Variants in ADIPOR1 observed in about 807,000 individuals in gnomAD.
ADIPOR1 encodes adiponectin receptor protein 1.
In ADIPOR1, 15 loss-of-function variants were observed where a neutral mutation model predicts 37.5. That is an observed-to-expected ratio of 0.40 (90% confidence interval 0.27 to 0.62). The LOEUF is 0.62. Ranked by LOEUF, ADIPOR1 falls within the 20% of genes least tolerant of loss-of-function variation. ADIPOR1 has a pLI of 0.42. For synonymous variants in ADIPOR1, 173 were observed against 173.2 expected, an observed-to-expected ratio of 1.00 and a Z score of 0.01; for missense variants, 286 against 478.0, an observed-to-expected ratio of 0.60 and a Z score of 3.75.
intron 2 of ADIPOR1, among the ~76,000 whole-genome samples, chr1:202,949,312 G>C (rs941684526): frequency 2.6e-5 from 4 of 151,518 alleles, no homozygotes; most frequent in Admixed American, 6.6e-5. Flanking sequence ...CGGGCGCGGT[G>C]GCTCACGCCT....
chr1:202,947,689 A>G (rs1286702245), intron 3 of ADIPOR1, among the ~76,000 whole-genome samples: 1 of 152,116 alleles, frequency 6.6e-6, no homozygotes, highest in Non-Finnish European at 1.5e-5. Context: ...TCCCCCAATT[A>G]GATTCTAAGT....
Position 202,943,801 on chromosome 1 carries a change from C to T in ADIPOR1, c.762G>A (p.Gln254=). Residue 254 remains glutamine, a synonymous_variant, in exon 6 of 8, where the codon CAG becomes CAA. Coordinates refer to ENST00000340990, the MANE Select transcript of ADIPOR1 (RefSeq NM_015999.6). ...GCTTAGGAGTGGCAAACCGGTCCCA[C>T]TGCGCCACAATGATGGCAGAAATGC... ...VLGISAIIVA[Q]WDRFATPKHR... 1.2e-6 allele frequency: 2 copies of T among 1,613,986 alleles called. No individual in the cohort carries two copies. The highest frequency in any genetic ancestry group is 2.2e-5 in the East Asian group (1 of 44,878).
chr1:202,945,422 A>C (rs1309711762), intron 4 of ADIPOR1, among the ~76,000 whole-genome samples: 3 of 152,234 alleles, frequency 2.0e-5, no homozygotes, highest in Admixed American at 1.3e-4. Flanking sequence ...TGTAAATTAT[A>C]AACTAGTATA....
At chr1:202,948,092 G>C (rs569813451) in intron 3 of ADIPOR1, among the ~76,000 whole-genome samples, 1 of 152,096 alleles carries the variant, frequency 6.6e-6, no homozygotes, top group African/African-American at 2.4e-5. Flanking sequence ...AAAAGAATCC[G>C]TTTTAAGAAT....
At chr1:202,943,294 T>C (rs80207299) in intron 6 of ADIPOR1, among the ~76,000 whole-genome samples, 1,576 of 152,346 alleles carry the variant, frequency 0.01, 12 homozygotes, top group Non-Finnish European at 0.016. Flanking sequence ...CCAGATGAGA[T>C]GAGACAACAC....
chr1:202,947,199 GT>G (rs1654366081), intron 3 of ADIPOR1, among the ~76,000 whole-genome samples: 1 of 152,004 alleles, frequency 6.6e-6, no homozygotes, highest in South Asian at 2.1e-4. Flanking sequence ...GAAGTTTTAG[GT>G]AAGTGTTTCT....
intron 1 of ADIPOR1, among the ~76,000 whole-genome samples, chr1:202,953,584 G>A (rs1654664688): frequency 7.0e-6 from 1 of 143,660 alleles, no homozygotes; most frequent in South Asian, 2.1e-4. Flanking sequence ...TGTGCTTGTG[G>A]TGGCTTCTCT....
intron 2 of ADIPOR1, among the ~76,000 whole-genome samples, chr1:202,950,151 G>A (rs1571566768): frequency 6.6e-6 from 1 of 151,936 alleles, no homozygotes; most frequent in Admixed American, 6.5e-5. Context: ...TTAGTAGAGA[G>A]GGGGCTTCAC....
intron 3 of ADIPOR1, among the ~76,000 whole-genome samples, chr1:202,947,261 C>T (rs1348947822): frequency 6.6e-6 from 1 of 152,132 alleles, no homozygotes; most frequent in Non-Finnish European, 1.5e-5. Context: ...GTGGTTCACG[C>T]CTGTAATCCC....
intron 1 of ADIPOR1, among the ~76,000 whole-genome samples, chr1:202,956,555 C>A (rs1654791270): frequency 6.6e-6 from 1 of 151,946 alleles, no homozygotes; most frequent in South Asian, 2.1e-4. Flanking sequence ...AGGCTTAGTG[C>A]CATTATGTGC....
At chr1:202,955,035 C>T (rs1284413272) in intron 1 of ADIPOR1, among the ~76,000 whole-genome samples, 1 of 152,146 alleles carries the variant, frequency 6.6e-6, no homozygotes, top group Non-Finnish European at 1.5e-5. Context: ...CCATTTTTCC[C>T]CTATCTACTG....
chr1:202,941,559 G>T lies in ADIPOR1; in HGVS notation c.*14C>A. 6.3e-7 allele frequency: 1 copy of T among 1,598,444 alleles called. No individual in the cohort carries two copies. Among genetic ancestry groups the T allele is most frequent in the Non-Finnish European group, 8.5e-7 (1 of 1,175,460 alleles). ...ACTTGGGAAGTTCCTCCTCCACCCCGCAGGTGGGAAGGCTCAGAGAAGGGT... is the reference window on the plus strand; with the variant it reads ...ACTTGGGAAGTTCCTCCTCCACCCCTCAGGTGGGAAGGCTCAGAGAAGGGT... On this transcript the variant is annotated 3_prime_UTR_variant, in exon 8 of 8. Coordinates refer to ENST00000340990, the MANE Select transcript of ADIPOR1 (RefSeq NM_015999.6).
chr1:202,943,295 G>A (rs776174100), intron 6 of ADIPOR1, among the ~76,000 whole-genome samples: 1 of 152,242 alleles, frequency 6.6e-6, no homozygotes, highest in Non-Finnish European at 1.5e-5. Context: ...CAGATGAGAT[G>A]AGACAACACA....
intron 4 of ADIPOR1, 112 bp downstream of exon 4, chr1:202,946,327 T>C (rs1188313889): frequency 1.1e-5 from 15 of 1,320,958 alleles, no homozygotes; most frequent in Non-Finnish European, 1.6e-5. Flanking sequence ...CATTAGTAGT[T>C]TAAAGGTAGA....
chr1:202,946,545 G>C lies in ADIPOR1; in HGVS notation c.324C>G (p.Asp108Glu). 1 of 1,614,092 alleles carries C rather than the reference G, an allele frequency of 6.2e-7. No individual in the cohort carries two copies. The highest frequency in any genetic ancestry group is 2.2e-5 in the East Asian group (1 of 44,874). The change falls in exon 4 of 8, where the codon GAC (aspartate) becomes GAG (glutamate). Residue 108 changes from aspartate to glutamate, a missense_variant. Transcript: ENST00000340990. Reference sequence around the variant, plus strand: ...GAGGTCTATGACCATGTAGCAGATAGTCGTTGTCCTTTAGCCAGTCAGGGA... The same window carrying C: ...GAGGTCTATGACCATGTAGCAGATACTCGTTGTCCTTTAGCCAGTCAGGGA... ...DVLPDWLKDN[D>E]YLLHGHRPPM... is the part of the protein sequence containing the mutation.
chr1:202,950,259 G>A (rs534426377), intron 2 of ADIPOR1, among the ~76,000 whole-genome samples: 72 of 151,600 alleles, frequency 4.7e-4, no homozygotes, highest in Non-Finnish European at 5.3e-4. Flanking sequence ...CACCGTGCCC[G>A]GCCCTGATAG....
At chr1:202,944,159 CCATT>C in intron 5 of ADIPOR1, 1 of 493,336 alleles carries the variant, frequency 2.0e-6, no homozygotes, top group Non-Finnish European at 3.6e-6. Flanking sequence ...CTAAGAATCC[CCATT>C]CAAAGAACTC....
Position 202,946,487 on chromosome 1 carries a change from T to C in ADIPOR1, c.382A>G (p.Ile128Val). The C allele has an allele frequency of 6.2e-7, 1 of 1,614,112 alleles. No homozygotes were observed. ...CCAGTTTCTGTATGAATGCGGAAGA[T>C]GCTCTTGAAGCAAGCCCGAAAGGAG... ...MPSFRACFKS[I>V]FRIHTETGNI... Residue 128 changes from isoleucine (I) to valine (V), a missense_variant, in exon 4 of 8, where the codon ATC becomes GTC. Physicochemically the swap from Ile to Val is conservative, Grantham distance 29. Coordinates refer to ENST00000340990, the MANE Select transcript of ADIPOR1 (RefSeq NM_015999.6).
chr1:202,944,076 C>T (rs3737884), intron 5 of ADIPOR1, 131 bp from the exon 6 acceptor site: 28,942 of 783,698 alleles, frequency 0.037, 2,224 homozygotes, highest in African/African-American at 0.21. Flanking sequence ...GTATTGTAGA[C>T]TCCCATACAA....
Sources: gnomAD v4.1 joint callset for allele counts (sites outside exome capture counted in the v4.1 genomes callset) on GRCh38, gnomAD v4.1.1 for gene constraint, MANE v1.5 for transcripts, NCBI Gene and HGNC (gene_info 2026-07-23, HGNC 2026-07-21) for gene names.